SRPK2: variants seen among roughly 807,000 people sequenced by gnomAD.
SRPK2 encodes SFRS protein kinase 2.
Under a neutral mutation model 90.8 loss-of-function variants are expected in SRPK2, and 21 were observed. That is an observed-to-expected ratio of 0.23 (90% CI 0.16 to 0.33). The LOEUF (loss-of-function observed/expected upper bound fraction) is 0.33, where lower values mean the gene tolerates loss of function less well. Ranked by LOEUF, SRPK2 falls within the 10% of genes least tolerant of loss-of-function variation. The pLI is 1.00. For synonymous variants in SRPK2, 288 were observed against 311.1 expected (o/e 0.93, Z 0.78); for missense variants, 620 against 869.0 (o/e 0.71, Z 3.60).
At chr7:105,369,128 A>T (rs201484423) in intron 2 of SRPK2, among the ~76,000 whole-genome samples, 4 of 17,918 alleles carry the variant, frequency 2.2e-4, no homozygotes, top group Admixed American at 6.5e-4. Context: ...GATTTATTTT[A>T]TTATTATTAT....
intron 2 of SRPK2, among the ~76,000 whole-genome samples, chr7:105,299,849 G>A (rs1024421918): frequency 5.9e-5 from 9 of 151,942 alleles, no homozygotes; most frequent in South Asian, 2.1e-4. Flanking sequence ...AGCCGAGATC[G>A]CGCCACTGCA....
rs551669077 is a variant in SRPK2, at chr7:105,343,123, G to A, written c.71+45525C>T. The stretch of plus-strand genomic sequence containing the variant: ...ACTTGAAAGTCCTGAATGTCTGAAT[G>A]GCAAACATTTGTAAAATGTGTCACT... On this transcript the variant is annotated intron_variant, in intron 2 of 15. Transcript: ENST00000393651. Among the ~76,000 whole-genome samples the A allele has an allele frequency of 3.0e-4, 45 of 152,286 alleles. 1 individual carries two copies. The South Asian group carries it at 9.3e-3, about 32-fold the overall frequency.
intron 2 of SRPK2, among the ~76,000 whole-genome samples, chr7:105,264,221 CTT>C (rs1169716949): frequency 2.0e-5 from 3 of 152,316 alleles, no homozygotes; most frequent in Admixed American, 6.5e-5. Flanking sequence ...ACCTTCCTCA[CTT>C]TTGAATTTTT....
At chr7:105,330,100 T>C (rs1033826523) in intron 2 of SRPK2, among the ~76,000 whole-genome samples, 4 of 151,878 alleles carry the variant, frequency 2.6e-5, no homozygotes, top group African/African-American at 9.7e-5. Flanking sequence ...CCCAGCACTT[T>C]GGGAGGCCAC....
At chr7:105,201,635 G>A (rs367932427) in intron 3 of SRPK2, among the ~76,000 whole-genome samples, 38 of 145,992 alleles carry the variant, frequency 2.6e-4, no homozygotes, top group Non-Finnish European at 2.2e-4. Context: ...GCTACCAGAA[G>A]AAAAAAAAAA....
intron 4 of SRPK2, 42 bp downstream of exon 4, chr7:105,169,115 C>A: frequency 6.5e-7 from 1 of 1,545,260 alleles, no homozygotes; most frequent in Non-Finnish European, 8.9e-7. Context: ...AGATGTTGAA[C>A]TACTCCAGGA....
intron 2 of SRPK2, among the ~76,000 whole-genome samples, chr7:105,356,684 C>A (rs1817819613): frequency 6.6e-6 from 1 of 152,140 alleles, no homozygotes; most frequent in African/African-American, 2.4e-5. Context: ...CAAGTACAAC[C>A]TGTATTTGCT....
chr7:105,200,478 C>A (rs2129609255), intron 3 of SRPK2, among the ~76,000 whole-genome samples: 1 of 152,148 alleles, frequency 6.6e-6, no homozygotes, highest in East Asian at 1.9e-4. Context: ...ATTTATCAGT[C>A]CACCCGAGAC....
chr7:105,338,948 T>C (rs1438600675), intron 2 of SRPK2, among the ~76,000 whole-genome samples: 1 of 152,182 alleles, frequency 6.6e-6, no homozygotes, highest in Non-Finnish European at 1.5e-5. Flanking sequence ...CTAAATACCA[T>C]AATACTACAC....
intron 1 of SRPK2, among the ~76,000 whole-genome samples, chr7:105,396,844 TAGAG>T (rs374609415): frequency 0.013 from 1,630 of 127,154 alleles, 22 homozygotes; most frequent in African/African-American, 0.025. Flanking sequence ...GAGAAAGAAA[TAGAG>T]GGAGGGAGGA....
At chr7:105,167,285 G>A in intron 6 of SRPK2, 92 bp downstream of exon 6, 1 of 991,416 alleles carries the variant, frequency 1.0e-6, no homozygotes, top group Non-Finnish European at 1.5e-6. Context: ...TATGTTGAAG[G>A]TGATACAGCA....
At chr7:105,254,049 T>C (rs1173727845) in intron 2 of SRPK2, among the ~76,000 whole-genome samples, 3 of 152,270 alleles carry the variant, frequency 2.0e-5, no homozygotes, top group Non-Finnish European at 4.4e-5. Flanking sequence ...ATTTTCTCAG[T>C]GACTATGTCA....
At chr7:105,147,462 C>T (rs920252119) in intron 7 of SRPK2, among the ~76,000 whole-genome samples, 32 of 152,216 alleles carry the variant, frequency 2.1e-4, no homozygotes, top group African/African-American at 7.0e-4. Context: ...GGATTACAGG[C>T]GTATGCCACC....
rs1187121885 is a variant in SRPK2, at chr7:105,170,983, GAAAGAA to G, written c.230-1724_230-1719del. On this transcript the variant is annotated intron_variant, in intron 3 of 15. Coordinates refer to ENST00000393651, the MANE Select transcript of SRPK2 (RefSeq NM_182692.3). ...AGAAAGAAAGAGAAAGAAAGAGAAA[GAAAGAA>G]AGAAAGAGAAAGAAAGAAAGAAAGA... Among the ~76,000 whole-genome samples the G allele has an allele frequency of 2.6e-4, 30 of 116,814 alleles. 2 individuals are homozygous for G. The highest frequency in any genetic ancestry group is 9.7e-4 in the African/African-American group (29 of 29,900). The allele number at this position is 116,814 out of a possible 152,430, so 76.6% of individuals were successfully genotyped here.
chr7:105,306,062 A>AT (rs1221172770), intron 2 of SRPK2, among the ~76,000 whole-genome samples: 1 of 152,214 alleles, frequency 6.6e-6, no homozygotes, highest in Non-Finnish European at 1.5e-5. Context: ...AAAGTGGGAT[A>AT]TTTTGGGGTG....
At chr7:105,314,512 T>G (rs1375971436) in intron 2 of SRPK2, among the ~76,000 whole-genome samples, 1 of 152,018 alleles carries the variant, frequency 6.6e-6, no homozygotes, top group African/African-American at 2.4e-5. Flanking sequence ...GCCTCCTGAG[T>G]AGCTGGGACT....
chr7:105,351,748 G>A (rs952950153), intron 2 of SRPK2, among the ~76,000 whole-genome samples: 1 of 149,824 alleles, frequency 6.7e-6, no homozygotes, highest in South Asian at 2.1e-4. Context: ...AGGCTGCAGT[G>A]AGCCAAGATT....
intron 2 of SRPK2, among the ~76,000 whole-genome samples, chr7:105,246,728 A>AT (rs994212753): frequency 3.3e-5 from 5 of 150,794 alleles, no homozygotes; most frequent in East Asian, 1.9e-4. Context: ...AAGCATATAT[A>AT]TTTTTTTTCA....
intron 2 of SRPK2, among the ~76,000 whole-genome samples, chr7:105,222,160 A>G (rs908027950): frequency 2.0e-5 from 3 of 152,232 alleles, no homozygotes; most frequent in Non-Finnish European, 4.4e-5. Flanking sequence ...TTGTTAGGGC[A>G]CAGTACCAGA....
Sources: allele counts gnomAD v4.1 joint callset (sites outside exome capture counted in the v4.1 genomes callset), GRCh38; gene constraint gnomAD v4.1.1; transcripts MANE v1.5; gene names NCBI Gene and HGNC (gene_info 2026-07-23, HGNC 2026-07-21).